Variants in SERGEF observed in about 807,000 individuals in gnomAD.
SERGEF encodes secretion regulating guanine nucleotide exchange factor.
Under a neutral mutation model 50.0 loss-of-function variants are expected in SERGEF, and 51 were observed. The ratio of observed to expected loss-of-function variants is 1.02; its 90% CI spans 0.81 to 1.29. The LOEUF (loss-of-function observed/expected upper bound fraction) is 1.29. SERGEF is among the 50% of genes most tolerant of loss of function. The pLI, the probability that SERGEF is intolerant of heterozygous loss-of-function variation, is 0.00. For missense variants in SERGEF, 521 were observed against 557.0 expected (o/e 0.94, Z 0.65); for synonymous variants, 205 against 212.4 (o/e 0.97, Z 0.30).
intron 8 of SERGEF, among the ~76,000 whole-genome samples, chr11:17,988,235 T>C (rs979367782): frequency 6.6e-6 from 1 of 152,202 alleles, no homozygotes; most frequent in Non-Finnish European, 1.5e-5. Flanking sequence ...TCACTTAACA[T>C]TTTCTGATGC....
At chr11:17,830,508 C>T (rs749420243) in intron 10 of SERGEF, among the ~76,000 whole-genome samples, 1 of 149,922 alleles carries the variant, frequency 6.7e-6, no homozygotes. Flanking sequence ...CCTGATGCAT[C>T]GTAACATGGT....
At position 17,890,363 on chromosome 11, in the gene SERGEF, G is replaced by A. The variant is rs187518198; in HGVS notation, c.1012-12119C>T. Among the ~76,000 whole-genome samples the A allele has an allele frequency of 3.9e-5, 6 of 152,334 alleles. No homozygotes were observed. The East Asian group carries it at 1.2e-3, about 29-fold the overall frequency. On this transcript the variant is annotated intron_variant, in intron 9 of 10. Transcript: ENST00000265965. ...GATATAGAAGGAACTCTGTAGTGCT[G>A]CATTATAACTAAAGACGCTGGCGTG...
At chr11:17,801,194 C>CAA (rs145154751) in intron 10 of SERGEF, among the ~76,000 whole-genome samples, 55,529 of 131,550 alleles carry the variant, frequency 0.42, 12,671 homozygotes, top group East Asian at 0.72. Flanking sequence ...GACTCCGTCT[C>CAA]AAAAAAAAAA....
At chr11:17,997,564 G>A (rs1039400862) in intron 5 of SERGEF, among the ~76,000 whole-genome samples, 1 of 152,164 alleles carries the variant, frequency 6.6e-6, no homozygotes, top group Non-Finnish European at 1.5e-5. Context: ...ATCTTGAAGA[G>A]ATATTTGTAC....
intron 10 of SERGEF, among the ~76,000 whole-genome samples, chr11:17,797,768 T>G (rs554832301): frequency 1.8e-4 from 28 of 152,168 alleles, no homozygotes; most frequent in East Asian, 3.8e-4. Context: ...TGGAGCTGCT[T>G]CTTCTCTCTT....
At chr11:18,006,219 C>T (rs551276733) in intron 3 of SERGEF, among the ~76,000 whole-genome samples, 154 of 152,298 alleles carry the variant, frequency 1.0e-3, no homozygotes, top group Non-Finnish European at 1.1e-3. Flanking sequence ...GGTGCAGTGG[C>T]GCAATCTCAG....
chr11:17,971,342 C>G (rs777979215), intron 8 of SERGEF, among the ~76,000 whole-genome samples: 16 of 152,348 alleles, frequency 1.1e-4, no homozygotes, highest in Middle Eastern at 3.4e-3. Flanking sequence ...AACAGCTTTT[C>G]AATGTAGACC....
intron 10 of SERGEF, among the ~76,000 whole-genome samples, chr11:17,875,144 G>C (rs1457211193): frequency 1.3e-5 from 2 of 152,184 alleles, no homozygotes; most frequent in Non-Finnish European, 2.9e-5. Flanking sequence ...CCCAGTGCCT[G>C]AGCTCTTCTT....
intron 6 of SERGEF, among the ~76,000 whole-genome samples, chr11:17,994,775 C>T (rs1197039304): frequency 6.6e-6 from 1 of 152,064 alleles, no homozygotes; most frequent in African/African-American, 2.4e-5. Context: ...GGAAGCTAAG[C>T]CCACCCCTAG....
At position 17,992,928 on chromosome 11, in the gene SERGEF, T is replaced by C. The variant is rs61757210; in HGVS notation, c.685+3A>G. ...GTTAAACCGTGAAAGAGCTGGTACC[T>C]ACCTGTTAATGAAGCTGAGTGGTCT... On this transcript the variant is annotated splice_donor_region_variant and intron_variant, in intron 7 of 10. Coordinates refer to ENST00000265965, the MANE Select transcript of SERGEF (RefSeq NM_012139.4). 1,626 of 1,612,868 alleles carry C rather than the reference T, an allele frequency of 1.0e-3. 16 individuals carry two copies. The African/African-American group carries it at 0.019, about 19-fold the overall frequency.
At chr11:18,000,306 G>T (rs1233086570) in intron 5 of SERGEF, among the ~76,000 whole-genome samples, 191 bp downstream of exon 5, 1 of 151,966 alleles carries the variant, frequency 6.6e-6, no homozygotes, top group Non-Finnish European at 1.5e-5. Context: ...AAAATTAGCA[G>T]GGCATGGTGG....
intron 6 of SERGEF, among the ~76,000 whole-genome samples, chr11:17,995,134 G>A (rs979476771): frequency 1.4e-4 from 21 of 152,132 alleles, no homozygotes; most frequent in African/African-American, 5.1e-4. Context: ...AAGAAGGGTG[G>A]GGGGAAGAAA....
At chr11:17,936,481 T>C (rs1852454889) in intron 9 of SERGEF, among the ~76,000 whole-genome samples, 1 of 152,234 alleles carries the variant, frequency 6.6e-6, no homozygotes, top group African/African-American at 2.4e-5. Context: ...ACATTACATT[T>C]ATAGAGTTCT....
In SERGEF at chr11:17,910,126, A is replaced by T. The variant is rs556832490; in HGVS notation, c.1012-31882T>A. On this transcript the variant is annotated intron_variant, in intron 9 of 10. Transcript: ENST00000265965. Reference sequence around the variant, plus strand: ...AGGCCTACAGTTCCCCTAAGATCCAAAAGAGGTGAATTCAGAGGAACAGAC... The same window carrying T: ...AGGCCTACAGTTCCCCTAAGATCCATAAGAGGTGAATTCAGAGGAACAGAC... Among the ~76,000 whole-genome samples, 5 of 74,100 alleles carry T rather than the reference A, an allele frequency of 6.7e-5. No homozygotes were observed. In the South Asian group the frequency reaches 2.1e-3, roughly 31 times the overall value. The allele number at this position is 74,100 out of a possible 152,430, so 48.6% of individuals were successfully genotyped here.
chr11:17,986,654 G>A (rs115539315), intron 8 of SERGEF, among the ~76,000 whole-genome samples: 104 of 152,334 alleles, frequency 6.8e-4, no homozygotes, highest in African/African-American at 2.3e-3. Context: ...TCTTTCATTA[G>A]TCAACTACCT....
At chr11:17,836,027 C>T (rs1850391832) in intron 10 of SERGEF, among the ~76,000 whole-genome samples, 1 of 152,110 alleles carries the variant, frequency 6.6e-6, no homozygotes, top group Non-Finnish European at 1.5e-5. Flanking sequence ...GAATTAGAAC[C>T]CAGGTTGGAT....
intron 10 of SERGEF, among the ~76,000 whole-genome samples, chr11:17,841,134 C>T (rs1385338229): frequency 1.3e-5 from 2 of 152,120 alleles, no homozygotes; most frequent in Admixed American, 1.3e-4. Flanking sequence ...AGGCCAGCTA[C>T]CAAACAAGGC....
At chr11:17,896,429 C>A (rs1470031792) in intron 9 of SERGEF, among the ~76,000 whole-genome samples, 1 of 151,578 alleles carries the variant, frequency 6.6e-6, no homozygotes, top group Non-Finnish European at 1.5e-5. Context: ...CAATTTAAAT[C>A]AAATTATGGT....
At chr11:17,949,690 C>T (rs1259470631) in intron 9 of SERGEF, among the ~76,000 whole-genome samples, 5 of 152,030 alleles carry the variant, frequency 3.3e-5, no homozygotes, top group Admixed American at 6.5e-5. Flanking sequence ...AGCCAGGCCA[C>T]CAACAGCCCA....
Sources: allele counts gnomAD v4.1 joint callset (sites outside exome capture counted in the v4.1 genomes callset), GRCh38; gene constraint gnomAD v4.1.1; transcripts MANE v1.5; gene names NCBI Gene and HGNC (gene_info 2026-07-23, HGNC 2026-07-21).